HMCN1: variants seen among roughly 807,000 people sequenced by gnomAD.
HMCN1 encodes the protein hemicentin 1, also known as hemicentin-1.
Under a neutral mutation model 625.9 loss-of-function variants are expected in HMCN1, and 321 were observed. The ratio of observed to expected loss-of-function variants is 0.51; its 90% confidence interval spans 0.47 to 0.56. HMCN1 has a LOEUF of 0.56. Among genes scored for constraint, HMCN1 ranks in the 20% least tolerant of loss-of-function variants. HMCN1 has a pLI of 0.00. For missense variants in HMCN1, 6,588 were observed against 6,887.3 expected (o/e 0.96, Z 1.54); for synonymous variants, 2,425 against 2,417.6 (o/e 1.00, Z -0.09).
chr1:186,003,877 T>A (rs768984630), intron 29 of HMCN1, 33 bp downstream of exon 29: 24 of 1,606,718 alleles, frequency 1.5e-5, no homozygotes, highest in Non-Finnish European at 2.0e-5. Flanking sequence ...TTGCAAGGTT[T>A]CAATGATAGG....
intron 4 of HMCN1, among the ~76,000 whole-genome samples, chr1:185,873,833 G>A (rs927508972): frequency 1.3e-4 from 19 of 151,960 alleles, no homozygotes; most frequent in African/African-American, 3.1e-4. Context: ...TTTGGGCCAA[G>A]GTAATTGGCT....
intron 93 of HMCN1, among the ~76,000 whole-genome samples, chr1:186,150,646 C>G (rs1650607081): frequency 2.0e-5 from 3 of 152,092 alleles, no homozygotes; most frequent in South Asian, 4.2e-4. Flanking sequence ...TGAAGTCTCT[C>G]CTTTTCCTGG....
chr1:186,055,391 A>C lies in HMCN1; in HGVS notation c.6863-2A>C. 1 of 1,612,248 alleles carries C rather than the reference A, an allele frequency of 6.2e-7. No homozygotes were observed. On this transcript the variant is annotated splice_acceptor_variant, in intron 44 of 106. Coordinates refer to ENST00000271588, the MANE Select transcript of HMCN1 (RefSeq NM_031935.3). LOFTEE classifies it high-confidence loss of function. ...TTCTTTTTATCTTCCTCCAACCCTC[A>C]GTTAGACCAACCATAACCAACAGTG...
At chr1:186,052,796 A>G (rs982120102) in intron 42 of HMCN1, among the ~76,000 whole-genome samples, 156 bp from the exon 43 acceptor site, 2 of 152,090 alleles carry the variant, frequency 1.3e-5, no homozygotes, top group Admixed American at 1.3e-4. Context: ...TTTATGCTAC[A>G]TCTTACAGGT....
intron 52 of HMCN1, among the ~76,000 whole-genome samples, chr1:186,071,866 T>G (rs1395501717): frequency 1.3e-5 from 2 of 152,204 alleles, no homozygotes; most frequent in Non-Finnish European, 2.9e-5. Context: ...CCTTTCTCCT[T>G]TGAAATATTT....
chr1:185,909,881 C>T (rs1233626692), intron 5 of HMCN1, among the ~76,000 whole-genome samples: 1 of 152,036 alleles, frequency 6.6e-6, no homozygotes, highest in African/African-American at 2.4e-5. Context: ...CACCAAGTAA[C>T]TCTTAAAATA....
chr1:185,969,543 C>T (rs1226348154), intron 14 of HMCN1, among the ~76,000 whole-genome samples: 1 of 152,104 alleles, frequency 6.6e-6, no homozygotes, highest in Non-Finnish European at 1.5e-5. Context: ...TTCCATGGTC[C>T]TCATTCCAAG....
In HMCN1 at chr1:186,171,126, G is replaced by A. The variant is rs539948890; in HGVS notation, c.15575-211G>A. Among the ~76,000 whole-genome samples the A allele has an allele frequency of 3.3e-5, 5 of 152,300 alleles. No homozygotes were observed. The East Asian group carries it at 9.6e-4, about 29-fold the overall frequency. On this transcript the variant is annotated intron_variant, in intron 100 of 106. Transcript: ENST00000271588. ...TTGACATAGTTATGTGTCATTAGCAGTTGTCTACTTTTAAGAGTATTGAAG... is the reference window on the plus strand; with the variant it reads ...TTGACATAGTTATGTGTCATTAGCAATTGTCTACTTTTAAGAGTATTGAAG...
intron 40 of HMCN1, among the ~76,000 whole-genome samples, chr1:186,043,495 T>TA (rs1264938456): frequency 6.6e-6 from 1 of 152,136 alleles, no homozygotes; most frequent in Non-Finnish European, 1.5e-5. Flanking sequence ...TCATTTAATG[T>TA]AAAAAAAGTA....
At chr1:185,884,206 C>G (rs1181418057) in intron 4 of HMCN1, among the ~76,000 whole-genome samples, 1 of 151,854 alleles carries the variant, frequency 6.6e-6, no homozygotes, top group African/African-American at 2.4e-5. Flanking sequence ...GAAAAGAACT[C>G]ATGTAATTAC....
chr1:186,044,585 A>G (rs1213075109), intron 40 of HMCN1, among the ~76,000 whole-genome samples: 1 of 152,154 alleles, frequency 6.6e-6, no homozygotes, highest in Admixed American at 6.6e-5. Context: ...GACTATAATA[A>G]TATTTTTACC....
At chr1:185,962,417 A>G (rs1381278530) in intron 11 of HMCN1, 101 bp from the exon 12 acceptor site, 2 of 920,666 alleles carry the variant, frequency 2.2e-6, no homozygotes, top group South Asian at 1.3e-5. Context: ...GGAAGGCAAT[A>G]AAGATGTGGT....
rs1653577862 is a variant in HMCN1, at chr1:186,189,529, G to A, written c.16559G>A (p.Cys5520Tyr). 5 of 1,613,234 alleles carry A rather than the reference G, an allele frequency of 3.1e-6. No individual in the cohort carries two copies. The highest frequency in any genetic ancestry group is 4.2e-6 in the Non-Finnish European group (5 of 1,179,758). Residue 5520 changes from cysteine (C) to tyrosine (Y), a missense_variant, in exon 107 of 107, where the codon TGT (cysteine) becomes TAT (tyrosine). Physicochemically the swap from Cys to Tyr is radical, Grantham distance 194. Transcript: ENST00000271588. The part of the protein sequence containing the change: ...DPVSGFCLKN[C>Y]PPNDLECALS... The stretch of plus-strand genomic sequence containing the variant: ...GTCCTTAGGTTCTGCCTCAAGAACT[G>A]TCCACCCAATGATTTGGAATGTGCC...
intron 68 of HMCN1, among the ~76,000 whole-genome samples, chr1:186,099,144 A>G (rs953336433): frequency 1.3e-5 from 2 of 152,072 alleles, no homozygotes; most frequent in East Asian, 3.9e-4. Context: ...CAGAGTAGCT[A>G]GTAGAGAGGA....
intron 39 of HMCN1, among the ~76,000 whole-genome samples, chr1:186,040,596 C>T (rs181984477): frequency 6.9e-4 from 105 of 152,170 alleles, no homozygotes; most frequent in Non-Finnish European, 1.1e-3. Context: ...AAAGGATAAT[C>T]AAGGTAGCTT....
At chr1:185,803,204 G>GAAA (rs1557981375) in intron 1 of HMCN1, among the ~76,000 whole-genome samples, 1 of 23,712 alleles carries the variant, frequency 4.2e-5, no homozygotes, top group Non-Finnish European at 8.2e-5. Context: ...AAAAAAAAAA[G>GAAA]CAAAAAAAAA....
intron 66 of HMCN1, 135 bp from the exon 67 acceptor site, chr1:186,094,141 G>A (rs1358247930): frequency 5.4e-6 from 4 of 739,958 alleles, no homozygotes; most frequent in Non-Finnish European, 9.5e-6. Context: ...ATTTTGTGAT[G>A]GATGGCTATA....
intron 10 of HMCN1, among the ~76,000 whole-genome samples, chr1:185,930,721 G>GTTT (rs1335349174): frequency 1.6e-4 from 24 of 152,138 alleles, no homozygotes; most frequent in African/African-American, 5.8e-4. Context: ...TGTTTTAAAT[G>GTTT]CACAACAGGT....
At chr1:185,852,957 C>T (rs1662252794) in intron 2 of HMCN1, among the ~76,000 whole-genome samples, 1 of 152,018 alleles carries the variant, frequency 6.6e-6, no homozygotes. Context: ...TATTAGGTAA[C>T]ATGTCTTACA....
Sources: allele counts gnomAD v4.1 joint callset (sites outside exome capture counted in the v4.1 genomes callset), GRCh38; gene constraint gnomAD v4.1.1; transcripts MANE v1.5; gene names NCBI Gene and HGNC (gene_info 2026-07-23, HGNC 2026-07-21).